The following SLCO1B1 variants were observed in gnomAD, a reference collection of about 807,000 sequenced individuals.
SLCO1B1 encodes solute carrier organic anion transporter family member 1B1.
In SLCO1B1, 81 loss-of-function variants were observed where a neutral mutation model predicts 70.1. That is an observed-to-expected ratio of 1.16 (90% CI 0.97 to 1.39). SLCO1B1 has a LOEUF of 1.39. Among genes scored for constraint, SLCO1B1 ranks in the 40% most tolerant of loss-of-function variants. The pLI, the probability that SLCO1B1 is intolerant of heterozygous loss-of-function variation, is 0.00. For missense variants in SLCO1B1, 895 were observed against 799.6 expected, an observed-to-expected ratio of 1.12 and a Z score of -1.44; for synonymous variants, 283 against 271.5, an observed-to-expected ratio of 1.04 and a Z score of -0.42.
intron 7 of SLCO1B1, among the ~76,000 whole-genome samples, chr12:21,181,614 G>A (rs904056317): frequency 2.6e-5 from 4 of 152,126 alleles, no homozygotes; most frequent in Non-Finnish European, 5.9e-5. Context: ...CTTCTGTGGT[G>A]TGTGTTTCTG....
At chr12:21,155,311 C>T (rs1439997153) in intron 2 of SLCO1B1, among the ~76,000 whole-genome samples, 2 of 151,858 alleles carry the variant, frequency 1.3e-5, no homozygotes, top group African/African-American at 2.4e-5. Flanking sequence ...TTTTCCAATT[C>T]TTTCTTGTTT....
chr12:21,133,584 C>A (rs1193493463), intron 1 of SLCO1B1, among the ~76,000 whole-genome samples: 1 of 152,058 alleles, frequency 6.6e-6, no homozygotes, highest in East Asian at 1.9e-4. Flanking sequence ...ATTTTATTCT[C>A]TTTGAAGCAA....
intron 1 of SLCO1B1, among the ~76,000 whole-genome samples, chr12:21,140,924 G>A (rs1031954013): frequency 2.0e-5 from 3 of 151,900 alleles, no homozygotes; most frequent in Non-Finnish European, 2.9e-5. Context: ...CATCATGATG[G>A]TGGTAAGGTC....
intron 14 of SLCO1B1, among the ~76,000 whole-genome samples, chr12:21,234,115 T>A (rs1160091015): frequency 6.6e-6 from 1 of 152,188 alleles, no homozygotes; most frequent in African/African-American, 2.4e-5. Flanking sequence ...CTGGAGTTTT[T>A]AAAGATAATT....
chr12:21,196,945 G>C lies in SLCO1B1; in HGVS notation c.728-1G>C. 1 of 1,613,034 alleles carries C rather than the reference G, an allele frequency of 6.2e-7. No homozygotes were observed. Among genetic ancestry groups the C allele is most frequent in the Non-Finnish European group, 8.5e-7 (1 of 1,179,342 alleles). On this transcript the variant is annotated splice_acceptor_variant, in intron 7 of 14. Transcript: ENST00000256958. LOFTEE classifies it high-confidence loss of function. ...CTGGCTTCTATAATTATTTATTCTA[G>C]GCACTATCAGGATAACTCCTACTGA...
chr12:21,160,233 A>G (rs1036965285), intron 2 of SLCO1B1, among the ~76,000 whole-genome samples: 4 of 152,136 alleles, frequency 2.6e-5, no homozygotes, highest in Non-Finnish European at 5.9e-5. Context: ...ACTATACTAC[A>G]GGACTATAGT....
chr12:21,195,694 AT>A (rs1314692407), intron 7 of SLCO1B1, among the ~76,000 whole-genome samples: 2 of 152,004 alleles, frequency 1.3e-5, no homozygotes, highest in East Asian at 1.9e-4. Context: ...TTTGTTTCTA[AT>A]TTTTTTTAAC....
At chr12:21,164,915 C>T in intron 2 of SLCO1B1, 1 of 434,410 alleles carries the variant, frequency 2.3e-6, no homozygotes, top group Non-Finnish European at 4.5e-6. Flanking sequence ...TGGTTTATTG[C>T]TGCTGAAGAT....
chr12:21,157,880 G>T (rs530190682), intron 2 of SLCO1B1, among the ~76,000 whole-genome samples: 7 of 152,082 alleles, frequency 4.6e-5, no homozygotes, highest in Non-Finnish European at 4.4e-5. Flanking sequence ...GATTACAGGC[G>T]TGAGCCACCG....
At chr12:21,231,703 ATGCTATATATACATGTATATATGTGTATG>A (rs1349199875) in intron 14 of SLCO1B1, among the ~76,000 whole-genome samples, 1 of 152,028 alleles carries the variant, frequency 6.6e-6, no homozygotes, top group Admixed American at 6.6e-5. Flanking sequence ...ATATATGTAT[ATGCTATATATACATGTATATATGTGTATG>A]TATATATACA....
chr12:21,201,726 G>C (rs966844127), intron 9 of SLCO1B1, among the ~76,000 whole-genome samples: 3 of 152,068 alleles, frequency 2.0e-5, no homozygotes, highest in African/African-American at 4.8e-5. Context: ...AAACAAAATT[G>C]CCTCATAGAA....
chr12:21,170,339 C>T (rs1940742156), intron 2 of SLCO1B1, among the ~76,000 whole-genome samples: 1 of 152,160 alleles, frequency 6.6e-6, no homozygotes, highest in South Asian at 2.1e-4. Context: ...CCTGGAGGTA[C>T]AGAAACCTTG....
chr12:21,151,438 A>G (rs1371436520), intron 2 of SLCO1B1, among the ~76,000 whole-genome samples: 1 of 152,178 alleles, frequency 6.6e-6, no homozygotes, highest in Non-Finnish European at 1.5e-5. Context: ...TATTTATAAT[A>G]CTTTCCTTCC....
In SLCO1B1 at chr12:21,134,380, A is replaced by G. The variant is rs59523069; in HGVS notation, c.-62+3144A>G. Among the ~76,000 whole-genome samples, 1,138 of 152,130 alleles carry G rather than the reference A, an allele frequency of 7.5e-3. 15 individuals are homozygous for G. The highest frequency in any genetic ancestry group is 0.026 in the African/African-American group (1,076 of 41,484). On this transcript the variant is annotated intron_variant, in intron 1 of 14. Coordinates refer to ENST00000256958, the MANE Select transcript of SLCO1B1 (RefSeq NM_006446.5). ...GTTAGGGAGGATTCCCTCTTTTTCT[A>G]TTGATTGGAATAGTTTCAGAAGTAT...
intron 1 of SLCO1B1, among the ~76,000 whole-genome samples, chr12:21,139,556 A>G (rs555898227): frequency 6.6e-5 from 10 of 152,232 alleles, no homozygotes; most frequent in Non-Finnish European, 1.5e-4. Flanking sequence ...TATTATTCAG[A>G]ATCCATCAGC....
At chr12:21,142,169 C>A (rs760585011) in intron 2 of SLCO1B1, among the ~76,000 whole-genome samples, 4 of 151,560 alleles carry the variant, frequency 2.6e-5, no homozygotes, top group Non-Finnish European at 5.9e-5. Flanking sequence ...GCCAAAAGAC[C>A]TGTTTGACGA....
intron 10 of SLCO1B1, 93 bp downstream of exon 10, chr12:21,202,779 C>T: frequency 9.9e-7 from 1 of 1,014,348 alleles, no homozygotes. Flanking sequence ...ACAATTTTAA[C>T]TAAACTTTCT....
At chr12:21,167,786 C>A (rs1450693477) in intron 2 of SLCO1B1, among the ~76,000 whole-genome samples, 2 of 149,836 alleles carry the variant, frequency 1.3e-5, no homozygotes, top group Non-Finnish European at 1.5e-5. Flanking sequence ...TTTTTGACTA[C>A]TTTAAATATT....
At chr12:21,178,073 T>C (rs1395205007) in intron 5 of SLCO1B1, among the ~76,000 whole-genome samples, 2 of 152,144 alleles carry the variant, frequency 1.3e-5, no homozygotes, top group Non-Finnish European at 2.9e-5. Flanking sequence ...CTGTATGATA[T>C]GGCTTGACTG....
Sources: allele counts gnomAD v4.1 joint callset (sites outside exome capture counted in the v4.1 genomes callset), GRCh38; gene constraint gnomAD v4.1.1; transcripts MANE v1.5; gene names NCBI Gene and HGNC (gene_info 2026-07-23, HGNC 2026-07-21).